The following SPTBN2 variants were observed in gnomAD, a reference collection of about 807,000 sequenced individuals.
The protein encoded by SPTBN2 is spectrin beta chain, non-erythrocytic 2.
A neutral mutation model predicts 284.2 loss-of-function variants in SPTBN2; 107 were observed. The observed-to-expected ratio is 0.38, with a 90% CI of 0.32 to 0.44. The LOEUF is 0.44. Among genes scored for constraint, SPTBN2 ranks in the 20% least tolerant of loss-of-function variants. The pLI is 1.00. For synonymous variants in SPTBN2, 1,289 were observed against 1,354.8 expected, an observed-to-expected ratio of 0.95 and a Z score of 1.07; for missense variants, 2,569 against 3,287.1, an observed-to-expected ratio of 0.78 and a Z score of 5.34.
At chr11:66,688,111 A>G in intron 32 of SPTBN2, 32 bp from the exon 33 acceptor site, 1 of 1,613,916 alleles carries the variant, frequency 6.2e-7, no homozygotes, top group Non-Finnish European at 8.5e-7. Flanking sequence ...CAGAATCATT[A>G]GTCCCTGGGT....
intron 1 of SPTBN2, among the ~76,000 whole-genome samples, chr11:66,727,540 C>G (rs1942662309): frequency 6.6e-6 from 1 of 152,238 alleles, no homozygotes; most frequent in Non-Finnish European, 1.5e-5. Flanking sequence ...GCGGACCGCA[C>G]AGCCCTATCA....
intron 3 of SPTBN2, among the ~76,000 whole-genome samples, chr11:66,717,902 AT>A (rs1477388139): frequency 2.0e-5 from 3 of 152,172 alleles, no homozygotes; most frequent in Non-Finnish European, 4.4e-5. Flanking sequence ...CTGCGCAGAC[AT>A]CTACCTGGGC....
At chr11:66,741,463 T>A (rs1408212540) in intron 1 of SPTBN2, among the ~76,000 whole-genome samples, 7 of 152,244 alleles carry the variant, frequency 4.6e-5, no homozygotes. Flanking sequence ...GTGTCGGGTA[T>A]GTCTTCATGA....
At position 66,705,052 on chromosome 11, in the gene SPTBN2, G is replaced by A. The variant is rs748547587; in HGVS notation, c.2224C>T (p.Arg742Trp). 5.0e-6 allele frequency: 8 copies of A among 1,596,302 alleles called. No individual in the cohort carries two copies. Among genetic ancestry groups the A allele is most frequent in the East Asian group, 2.2e-5 (1 of 44,578 alleles). Residue 742 changes from arginine to tryptophan, a missense_variant, in exon 15 of 38, where the codon CGG becomes TGG. Physicochemically the swap from Arg to Trp is moderately radical, Grantham distance 101. This residue lies in a region of SPTBN2 where 1,012 missense variants were observed against 1,248.9 expected (regional missense o/e 0.81). Transcript: ENST00000533211. ...LEALAEERAQ[R>W]LAQAASLYQF... ...TAGAGGCTGGCGGCTTGGGCCAGCC[G>A]CTGGGCACGCTCCTCGGCCAGGGCC...
rs762722150 is a variant in SPTBN2 at position 66,705,644 on chromosome 11, C to T, written c.1807+40G>A. 3.1e-6 allele frequency: 5 copies of T among 1,607,530 alleles called. No homozygotes were observed. In the Admixed American group the frequency reaches 8.3e-5, roughly 27 times the overall value. ...CACCTCGGCTCTTGATGTGCTCCTT[C>T]CCAGCCCCTCCCTCTCCAGTGCCTT... is the stretch of plus-strand genomic sequence containing the variant. On this transcript the variant is annotated intron_variant, in intron 14 of 37. Transcript: ENST00000533211.
chr11:66,700,877 C>T lies in SPTBN2; in HGVS notation c.3222G>A (p.Leu1074=). The change falls in exon 17 of 38, where the codon TTG becomes TTA. Residue 1074 remains leucine (L), a synonymous_variant. Coordinates refer to ENST00000533211, the MANE Select transcript of SPTBN2 (RefSeq NM_006946.4). This position sits in a 1 kb window ranked among gnomAD's most constrained non-coding sequence, Gnocchi z 6.6. The part of the protein sequence containing the change: ...ARRLQDFLRS[L]DDFQAWLGRT... ...GGCCTAGCCAGGCCTGGAAGTCATC[C>T]AAGCTGCGCAAGAAGTCCTGCAGCC... 6.2e-7 allele frequency: 1 copy of T among 1,600,098 alleles called. No homozygotes were observed. Among genetic ancestry groups the T allele is most frequent in the Non-Finnish European group, 8.5e-7 (1 of 1,179,822 alleles).
upstream of SPTBN2, among the ~76,000 whole-genome samples, chr11:66,733,501 C>T (rs1942829396): frequency 6.6e-6 from 1 of 152,178 alleles, no homozygotes; most frequent in Admixed American, 6.5e-5. Context: ...ATGAGGAATA[C>T]TCCAGGAAAA....
rs1942382845 is a variant in SPTBN2 at position 66,721,145 on chromosome 11, G to C, written c.96C>G (p.Asp32Glu). ...INNRWDLPDS[D>E]WDNDSSSARL... ...GGGCCGAGCTGCTGTCATTGTCCCA[G>C]TCCGAGTCAGGAAGGTCCCAGCGGT... The change falls in exon 3 of 38, where the codon GAC (aspartate) becomes GAG (glutamate). Residue 32 changes from aspartate to glutamate, a missense_variant. Physicochemically the swap from Asp to Glu is conservative, Grantham distance 45. Transcript: ENST00000533211. 6.2e-7 allele frequency: 1 copy of C among 1,614,144 alleles called. No individual in the cohort carries two copies. Among genetic ancestry groups the C allele is most frequent in the Non-Finnish European group, 8.5e-7 (1 of 1,180,040 alleles).
chr11:66,743,568 T>G (rs1197889982), intron 1 of SPTBN2, among the ~76,000 whole-genome samples: 1 of 152,170 alleles, frequency 6.6e-6, no homozygotes, highest in Non-Finnish European at 1.5e-5. Context: ...GTTATAGGCT[T>G]AAGCCCCTGT....
chr11:66,693,453 A>T lies in SPTBN2; in HGVS notation c.4594-7T>A. 1.3e-6 allele frequency: 2 copies of T among 1,597,508 alleles called. No homozygotes were observed. Among genetic ancestry groups the T allele is most frequent in the Non-Finnish European group, 1.7e-6 (2 of 1,179,136 alleles). ...GAATCTCTTTCTGCAGGGTCTGCCCATGGCCACAGAAGAGAAAATGCTGAA... is the reference window on the plus strand; with the variant it reads ...GAATCTCTTTCTGCAGGGTCTGCCCTTGGCCACAGAAGAGAAAATGCTGAA... On this transcript the variant is annotated splice_region_variant and splice_polypyrimidine_tract_variant and intron_variant, in intron 23 of 37. Transcript: ENST00000533211. This position sits in a 1 kb window ranked among gnomAD's most constrained non-coding sequence, Gnocchi z 5.7.
At position 66,692,576 on chromosome 11, in the gene SPTBN2, G is replaced by T; in HGVS notation, c.5150C>A (p.Ala1717Glu). ...GTCCTGGCCCAGCTCGTGGGAGGCC[G>T]CCACCACCTCGCGCTCCTGGATCCA... ...EQWIQEREVV[A>E]ASHELGQDYE... Residue 1717 changes from alanine to glutamate, a missense_variant, in exon 26 of 38, where the codon GCG becomes GAG. Physicochemically the swap from Ala to Glu is moderately radical, Grantham distance 107. Transcript: ENST00000533211. The T allele has an allele frequency of 6.2e-7, 1 of 1,605,982 alleles. No individual in the cohort carries two copies.
At chr11:66,727,870 C>CAGCA (rs1045878794) in intron 1 of SPTBN2, 1 of 150,578 alleles carries the variant, frequency 6.6e-6, no homozygotes, top group African/African-American at 2.4e-5. Flanking sequence ...GACCCGCTCC[C>CAGCA]AGCCTCGCCG....
intron 1 of SPTBN2, among the ~76,000 whole-genome samples, chr11:66,740,819 T>C (rs1942890765): frequency 6.6e-6 from 1 of 152,210 alleles, no homozygotes; most frequent in South Asian, 2.1e-4. Flanking sequence ...GGATATTTTC[T>C]ACTTAAGTTC....
intron 36 of SPTBN2, 107 bp downstream of exon 36, chr11:66,686,885 CCA>C (rs2135294673): frequency 6.8e-7 from 1 of 1,466,510 alleles, no homozygotes; most frequent in South Asian, 1.1e-5. Context: ...CCTGGTTACT[CCA>C]CTCAGGCTCC....
Position 66,684,809 on chromosome 11 carries a change from G to C in SPTBN2, c.*1062C>G, listed in dbSNP as rs1455355101. Among the ~76,000 whole-genome samples, 1 of 152,118 alleles carries C rather than the reference G, an allele frequency of 6.6e-6. No individual in the cohort carries two copies. The highest frequency in any genetic ancestry group is 2.4e-5 in the African/African-American group (1 of 41,406). The stretch of plus-strand genomic sequence containing the variant: ...CCCTTGATCTACTGGAGAGCAGACG[G>C]CAAGTGGGGGCAGTAAGCACCCGCT... On this transcript the variant is annotated 3_prime_UTR_variant, in exon 38 of 38. Transcript: ENST00000533211.
rs1473724229 is a variant in SPTBN2 at position 66,693,778 on chromosome 11, TTTC to T, written c.4584_4586del (p.Lys1529del). On this transcript the variant is annotated inframe_deletion, in exon 23 of 38. Transcript: ENST00000533211. The surrounding 1 kb of genome is among the most constrained non-coding windows in gnomAD (Gnocchi z 5.7). The stretch of plus-strand genomic sequence containing the variant: ...CCTTCAGCCTCTGCCTCACCTGGTT[TTTC>T]TTCATGAGAAGCTGGACGCTGGGCA... The T allele has an allele frequency of 1.2e-6, 2 of 1,612,910 alleles. No homozygotes were observed. Among genetic ancestry groups the T allele is most frequent in the Admixed American group, 3.3e-5 (2 of 59,850 alleles).
rs191736279 is a variant in SPTBN2, at chr11:66,715,860, C to G, written c.279G>C (p.Arg93Ser). The G allele has an allele frequency of 6.2e-7, 1 of 1,614,070 alleles. No individual in the cohort carries two copies. The highest frequency in any genetic ancestry group is 1.3e-5 in the African/African-American group (1 of 75,014). The change falls in exon 4 of 38, where the codon AGG becomes AGC. Residue 93 changes from arginine (R) to serine (S), a missense_variant. Physicochemically the swap from Arg to Ser is moderately radical, Grantham distance 110. Coordinates refer to ENST00000533211, the MANE Select transcript of SPTBN2 (RefSeq NM_006946.4). This position sits in a 1 kb window ranked among gnomAD's most constrained non-coding sequence, Gnocchi z 5.3. The stretch of plus-strand genomic sequence containing the variant: ...TCTCTCCCGAGAGCACCTCGAGGAG[C>G]CTCAGCAGGTTGCGTCCGTCCCGGA... Reference protein sequence around the residue: ...SDLRDGRNLLRLLEVLSGEIL... With the variant: ...SDLRDGRNLLSLLEVLSGEIL...
At chr11:66,720,964 G>A (rs1942375557) in intron 3 of SPTBN2, 120 bp downstream of exon 3, 6 of 1,351,902 alleles carry the variant, frequency 4.4e-6, no homozygotes, top group Non-Finnish European at 6.2e-6. Flanking sequence ...TTGATAGAGT[G>A]CTCTGGGTCT....
Position 66,697,484 on chromosome 11 carries a change from GC to G in SPTBN2, c.4015-945del, listed in dbSNP as rs542637066. Among the ~76,000 whole-genome samples, 17 of 152,230 alleles carry G rather than the reference GC, an allele frequency of 1.1e-4. No individual in the cohort carries two copies. In the South Asian group the frequency reaches 3.5e-3, roughly 32 times the overall value. The stretch of plus-strand genomic sequence containing the variant: ...TCTCTCCCACCTCTTCTTCCATGGG[GC>G]CCTGCACACATTCTGTGCTGCTGCT... On this transcript the variant is annotated intron_variant, in intron 20 of 37. Transcript: ENST00000533211.
Sources: gnomAD v4.1 joint callset for allele counts (sites outside exome capture counted in the v4.1 genomes callset) on GRCh38, gnomAD v4.1.1 for gene constraint, gnomAD v4.1.1 regional missense constraint, Gnocchi (gnomAD v3.1) non-coding constraint, MANE v1.5 for transcripts, NCBI Gene and HGNC (gene_info 2026-07-23, HGNC 2026-07-21) for gene names.